The following ARID2 variants were observed in gnomAD, a reference collection of about 807,000 sequenced individuals.
ARID2 encodes the protein AT-rich interaction domain 2.
Under a neutral mutation model 184.6 loss-of-function variants are expected in ARID2, and 32 were observed. The ratio of observed to expected loss-of-function variants is 0.17; its 90% CI spans 0.13 to 0.23. The LOEUF is 0.23. Among genes scored for constraint, ARID2 ranks in the 10% least tolerant of loss-of-function variants. The probability of loss-of-function intolerance (pLI) is 1.00; values close to 1 mark genes in which losing one functional copy is unlikely to be tolerated. For synonymous variants in ARID2, 836 were observed against 772.6 expected (o/e 1.08, Z -1.36); for missense variants, 1,696 against 2,197.6 (o/e 0.77, Z 4.56).
intron 15 of ARID2, among the ~76,000 whole-genome samples, chr12:45,856,859 C>A (rs1943660379): frequency 6.6e-6 from 1 of 152,084 alleles, no homozygotes; most frequent in South Asian, 2.1e-4. Flanking sequence ...AGGCACATTT[C>A]TTTATTGGTA....
chr12:45,822,798 G>A (rs1452270344), intron 6 of ARID2, among the ~76,000 whole-genome samples: 3 of 152,218 alleles, frequency 2.0e-5, no homozygotes, highest in Admixed American at 2.0e-4. Flanking sequence ...AATCATATAT[G>A]CACTCAACAC....
chr12:45,786,744 T>C (rs1176210181), intron 3 of ARID2, among the ~76,000 whole-genome samples: 1 of 152,222 alleles, frequency 6.6e-6, no homozygotes, highest in African/African-American at 2.4e-5. Flanking sequence ...ACAACCCAAG[T>C]GTCCATTGAC....
intron 3 of ARID2, among the ~76,000 whole-genome samples, chr12:45,796,204 A>G (rs1346514758): frequency 6.6e-6 from 1 of 152,006 alleles, no homozygotes; most frequent in South Asian, 2.1e-4. Context: ...TATATTTTAC[A>G]TATATTCACT....
chr12:45,739,571 A>G (rs1417904050), intron 3 of ARID2, among the ~76,000 whole-genome samples: 1 of 150,374 alleles, frequency 6.7e-6, no homozygotes, highest in Non-Finnish European at 1.5e-5. Context: ...TCTTATTGTA[A>G]AATATGGCCA....
intron 3 of ARID2, among the ~76,000 whole-genome samples, chr12:45,741,052 C>T (rs926591482): frequency 4.6e-5 from 7 of 152,064 alleles, no homozygotes; most frequent in Admixed American, 3.9e-4. Flanking sequence ...AAACTTTTAC[C>T]CAGTAGTTTT....
intron 3 of ARID2, among the ~76,000 whole-genome samples, chr12:45,763,035 G>A (rs1941708923): frequency 6.6e-6 from 1 of 152,184 alleles, no homozygotes; most frequent in Admixed American, 6.5e-5. Context: ...AGTGTTTTAT[G>A]TATGTAATGT....
intron 3 of ARID2, among the ~76,000 whole-genome samples, chr12:45,783,438 A>G (rs1942134425): frequency 6.6e-6 from 1 of 152,238 alleles, no homozygotes. Flanking sequence ...GTATTTAATC[A>G]GAAAACAAAC....
At chr12:45,765,456 C>G (rs2138015724) in intron 3 of ARID2, among the ~76,000 whole-genome samples, 1 of 151,704 alleles carries the variant, frequency 6.6e-6, no homozygotes, top group East Asian at 1.9e-4. Flanking sequence ...AGTGATCCTC[C>G]TGCCTTAGCC....
At chr12:45,782,448 A>G (rs1028952205) in intron 3 of ARID2, among the ~76,000 whole-genome samples, 12 of 152,132 alleles carry the variant, frequency 7.9e-5, no homozygotes, top group African/African-American at 2.4e-4. Context: ...ACTGGTCAAC[A>G]TGGTGAAAAC....
At chr12:45,759,003 G>GCA (rs563358298) in intron 3 of ARID2, among the ~76,000 whole-genome samples, 157 of 151,546 alleles carry the variant, frequency 1.0e-3, no homozygotes, top group Middle Eastern at 3.2e-3. Context: ...TAAAAGACAC[G>GCA]CACACACACA....
At position 45,907,230 on chromosome 12, in the gene ARID2, T is replaced by C. The variant is rs894311712; in HGVS notation, c.*2152T>C. The C allele has an allele frequency of 8.6e-6, 2 of 232,910 alleles. No homozygotes were observed. Among genetic ancestry groups the C allele is most frequent in the Non-Finnish European group, 1.7e-5 (2 of 117,838 alleles). The allele number at this position is 232,910 out of a possible 1,614,324, so 14.4% of individuals were successfully genotyped here. ...TACAAGCACCTGGTAGTTGACATCA[T>C]ATGGGGAATTTTCTATTCACCGTAC... On this transcript the variant is annotated 3_prime_UTR_variant, in exon 21 of 21. Coordinates refer to ENST00000334344, the MANE Select transcript of ARID2 (RefSeq NM_152641.4).
chr12:45,890,388 T>C (rs1280485959), intron 16 of ARID2, among the ~76,000 whole-genome samples: 1 of 152,254 alleles, frequency 6.6e-6, no homozygotes, highest in Admixed American at 6.5e-5. Context: ...ATTTGGGTTT[T>C]GGTTTCTGTG....
At chr12:45,802,319 G>A (rs1239825272) in intron 3 of ARID2, among the ~76,000 whole-genome samples, 5 of 152,082 alleles carry the variant, frequency 3.3e-5, no homozygotes, top group South Asian at 2.1e-4. Context: ...CCTCACACCC[G>A]GCCTCCCAAA....
chr12:45,902,235 G>A (rs904080565), intron 20 of ARID2, among the ~76,000 whole-genome samples: 5 of 151,970 alleles, frequency 3.3e-5, no homozygotes, highest in African/African-American at 9.7e-5. Context: ...GGCATGTTTT[G>A]TTTTATATCA....
intron 16 of ARID2, among the ~76,000 whole-genome samples, chr12:45,869,350 T>A (rs2138202508): frequency 6.6e-6 from 1 of 152,290 alleles, no homozygotes; most frequent in Middle Eastern, 3.4e-3. Context: ...TTGTTTATTT[T>A]TTGATAGTGA....
Position 45,729,769 on chromosome 12 carries a change from G to T in ARID2, c.-68G>T, listed in dbSNP as rs1321786033. The T allele has an allele frequency of 1.4e-6, 2 of 1,456,014 alleles. No homozygotes were observed. Among genetic ancestry groups the T allele is most frequent in the African/African-American group, 2.8e-5 (2 of 70,764 alleles). The allele number at this position is 1,456,014 out of a possible 1,614,324, so 90.2% of individuals were successfully genotyped here. On this transcript the variant is annotated 5_prime_UTR_variant, in exon 1 of 21. Coordinates refer to ENST00000334344, the MANE Select transcript of ARID2 (RefSeq NM_152641.4). Reference sequence around the variant, plus strand: ...AATGGGCTCCGGGCTCTGGTAGGAAGCGCTGGGAGCGGGGGGCGCTTTTAA... The same window carrying T: ...AATGGGCTCCGGGCTCTGGTAGGAATCGCTGGGAGCGGGGGGCGCTTTTAA...
Position 45,905,923 on chromosome 12 carries a change from A to AT in ARID2, c.*854dup, listed in dbSNP as rs755371416. The stretch of plus-strand genomic sequence containing the variant: ...GTCAAAACAGTTTTGTGGAACTGTG[A>AT]TTTTTTTTTCTTTTTTCTTTTTTTT... On this transcript the variant is annotated 3_prime_UTR_variant, in exon 21 of 21. Transcript: ENST00000334344. 95 of 205,962 alleles carry AT rather than the reference A, an allele frequency of 4.6e-4. No homozygotes were observed. Among genetic ancestry groups the AT allele is most frequent in the Middle Eastern group, 3.0e-3 (2 of 674 alleles). The allele number at this position is 205,962 out of a possible 1,614,324, so 12.8% of individuals were successfully genotyped here.
intron 20 of ARID2, among the ~76,000 whole-genome samples, chr12:45,899,424 G>A (rs962445210): frequency 2.7e-5 from 4 of 148,822 alleles, no homozygotes; most frequent in Admixed American, 6.7e-5. Context: ...CTAACACAGT[G>A]AAACCCCATC....
chr12:45,731,594 G>A (rs995404776), intron 3 of ARID2, among the ~76,000 whole-genome samples: 2 of 152,242 alleles, frequency 1.3e-5, no homozygotes, highest in South Asian at 2.1e-4. Context: ...GTTATTCATC[G>A]CTTGATACCC....
Sources: gnomAD v4.1 joint callset for allele counts (sites outside exome capture counted in the v4.1 genomes callset) on GRCh38, gnomAD v4.1.1 for gene constraint, MANE v1.5 for transcripts, NCBI Gene and HGNC (gene_info 2026-07-23, HGNC 2026-07-21) for gene names.